VMP1: variants seen among roughly 807,000 people sequenced by gnomAD.
VMP1 encodes ectopic P-granules autophagy protein 3 homolog.
Under a neutral mutation model 56.0 loss-of-function variants are expected in VMP1, and 11 were observed. The observed-to-expected ratio is 0.20, with a 90% CI of 0.12 to 0.32. VMP1 has a LOEUF of 0.32. Among genes scored for constraint, VMP1 ranks in the 10% least tolerant of loss-of-function variants. The pLI is 1.00. For synonymous variants in VMP1, 149 were observed against 165.0 expected (o/e 0.90, Z 0.74); for missense variants, 296 against 490.3 (o/e 0.60, Z 3.74).
intron 1 of VMP1, among the ~76,000 whole-genome samples, chr17:59,719,086 C>T (rs761833019): frequency 2.0e-5 from 3 of 152,116 alleles, no homozygotes; most frequent in Non-Finnish European, 4.4e-5. Flanking sequence ...CCTCGTTTGT[C>T]AAGATATATT....
chr17:59,736,167 C>T (rs1410037111), intron 3 of VMP1, among the ~76,000 whole-genome samples: 1 of 152,040 alleles, frequency 6.6e-6, no homozygotes, highest in African/African-American at 2.4e-5. Flanking sequence ...AATCCCAGCA[C>T]TTTGGGAGGT....
intron 7 of VMP1, among the ~76,000 whole-genome samples, chr17:59,799,135 G>C (rs2037549566): frequency 6.6e-6 from 1 of 152,096 alleles, no homozygotes; most frequent in Non-Finnish European, 1.5e-5. Flanking sequence ...GCTTCTGGTA[G>C]TTTTTAGTTA....
intron 10 of VMP1, among the ~76,000 whole-genome samples, chr17:59,821,849 CTT>C (rs1264565615): frequency 7.2e-6 from 1 of 139,546 alleles, no homozygotes; most frequent in African/African-American, 2.6e-5. Context: ...TGCACCTGGC[CTT>C]TTTTTTTTTG....
chr17:59,721,779 A>T (rs2034408537), intron 1 of VMP1, among the ~76,000 whole-genome samples: 1 of 152,204 alleles, frequency 6.6e-6, no homozygotes. Flanking sequence ...CCTTATTTAT[A>T]CTAATCAACA....
chr17:59,816,959 G>A (rs1457956927), intron 9 of VMP1, among the ~76,000 whole-genome samples: 20 of 104,490 alleles, frequency 1.9e-4, no homozygotes, highest in Admixed American at 4.2e-4. Context: ...AAAAAAAAAA[G>A]AAAAAAGAAA....
chr17:59,765,445 C>A (rs990826642), intron 6 of VMP1, among the ~76,000 whole-genome samples: 1 of 152,176 alleles, frequency 6.6e-6, no homozygotes, highest in Non-Finnish European at 1.5e-5. Context: ...GGGGTGCCAA[C>A]CCCCTGTGCA....
intron 5 of VMP1, among the ~76,000 whole-genome samples, chr17:59,756,930 A>G (rs1239634408): frequency 6.6e-6 from 1 of 152,168 alleles, no homozygotes; most frequent in East Asian, 1.9e-4. Flanking sequence ...AGTCCTTTAA[A>G]TGCTACAAAG....
intron 7 of VMP1, among the ~76,000 whole-genome samples, chr17:59,804,244 T>A (rs1291014681): frequency 6.6e-6 from 1 of 152,108 alleles, no homozygotes; most frequent in Non-Finnish European, 1.5e-5. Flanking sequence ...AATAAAAGAA[T>A]AATGTTTTCA....
chr17:59,716,955 T>C (rs2034177728), intron 1 of VMP1, among the ~76,000 whole-genome samples: 1 of 152,208 alleles, frequency 6.6e-6, no homozygotes, highest in East Asian at 1.9e-4. Flanking sequence ...ATTCTTGACC[T>C]TACTCTTAGT....
intron 1 of VMP1, among the ~76,000 whole-genome samples, chr17:59,708,605 T>C (rs1198352870): frequency 6.6e-6 from 1 of 152,236 alleles, no homozygotes; most frequent in South Asian, 2.1e-4. Context: ...TCATTTCTAC[T>C]TTGGGGCTTG....
At chr17:59,809,194 C>G (rs2037955733) in intron 8 of VMP1, among the ~76,000 whole-genome samples, 1 of 150,796 alleles carries the variant, frequency 6.6e-6, no homozygotes, top group African/African-American at 2.4e-5. Flanking sequence ...GAGGCAGGAT[C>G]TCATGTTGCC....
At chr17:59,811,915 T>C in intron 9 of VMP1, 129 bp downstream of exon 9, 1 of 654,556 alleles carries the variant, frequency 1.5e-6, no homozygotes, top group Non-Finnish European at 2.7e-6. Flanking sequence ...ACTTAGGTAA[T>C]ACCACATAGA....
intron 1 of VMP1, among the ~76,000 whole-genome samples, chr17:59,713,059 T>A (rs1474912530): frequency 2.6e-5 from 4 of 152,140 alleles, no homozygotes; most frequent in Admixed American, 6.5e-5. Context: ...CAGGGATGAC[T>A]AAGCTTCTGG....
chr17:59,817,875 AT>A (rs1304279613), intron 10 of VMP1, 102 bp downstream of exon 10: 7 of 887,066 alleles, frequency 7.9e-6, no homozygotes, highest in Non-Finnish European at 1.2e-5. Flanking sequence ...ATAGTTCTTT[AT>A]TTTTTGAGGA....
chr17:59,722,066 A>G (rs1340076073), intron 1 of VMP1, among the ~76,000 whole-genome samples: 1 of 152,218 alleles, frequency 6.6e-6, no homozygotes, highest in Non-Finnish European at 1.5e-5. Flanking sequence ...AGTCCTTATT[A>G]GAGTACCACC....
intron 7 of VMP1, among the ~76,000 whole-genome samples, chr17:59,802,655 TC>T (rs2037713968): frequency 6.6e-6 from 1 of 152,198 alleles, no homozygotes; most frequent in South Asian, 2.1e-4. Context: ...AACCTCCGCC[TC>T]CCGGGTTCAA....
At chr17:59,794,025 A>T (rs1021100577) in intron 7 of VMP1, among the ~76,000 whole-genome samples, 1 of 150,258 alleles carries the variant, frequency 6.7e-6, no homozygotes. Context: ...GGTTCATGCC[A>T]TTCTCCTGCC....
chr17:59,753,512 C>G (rs533412205), intron 5 of VMP1, among the ~76,000 whole-genome samples: 6 of 152,224 alleles, frequency 3.9e-5, no homozygotes, highest in South Asian at 2.1e-4. Context: ...ATTAAAGAAC[C>G]ATTTGTAAAC....
intron 7 of VMP1, among the ~76,000 whole-genome samples, chr17:59,804,401 C>T (rs2144190326): frequency 1.3e-5 from 2 of 151,864 alleles, no homozygotes; most frequent in Middle Eastern, 6.8e-3. Context: ...ATCGCCTAAG[C>T]TCAGGAGTTT....
Sources: gnomAD v4.1 joint callset for allele counts (sites outside exome capture counted in the v4.1 genomes callset) on GRCh38, gnomAD v4.1.1 for gene constraint, MANE v1.5 for transcripts, NCBI Gene and HGNC (gene_info 2026-07-23, HGNC 2026-07-21) for gene names.